Variants in BMAL1 observed in about 807,000 individuals in gnomAD.
BMAL1 encodes basic helix-loop-helix ARNT-like protein 1.
the BMAL1 span, among the ~76,000 whole-genome samples, chr11:13,292,339 T>G: frequency 6.6e-6 from 1 of 151,272 alleles, no homozygotes; most frequent in Admixed American, 6.6e-5. Context: ...GGTCAGGAGA[T>G]CGAGACCATC....
the BMAL1 span, among the ~76,000 whole-genome samples, chr11:13,299,256 A>G: frequency 3.3e-4 from 50 of 152,312 alleles, no homozygotes; most frequent in Admixed American, 2.0e-3. Context: ...TGTTTCACAT[A>G]TAAGAGTTTG....
the BMAL1 span, among the ~76,000 whole-genome samples, chr11:13,288,502 G>T: frequency 7.4e-5 from 11 of 149,574 alleles, no homozygotes; most frequent in African/African-American, 2.7e-4. Context: ...GCTCTATTTA[G>T]CCCACTCTTT....
At chr11:13,353,426 C>G in the BMAL1 span, 2 of 152,118 alleles carry the variant, frequency 1.3e-5, no homozygotes, top group African/African-American at 4.8e-5. Context: ...TGCTAGGGAC[C>G]CCCAAACAAG....
chr11:13,368,628 G>A, the BMAL1 span, among the ~76,000 whole-genome samples: 1 of 152,174 alleles, frequency 6.6e-6, no homozygotes, highest in Non-Finnish European at 1.5e-5. Context: ...TTGCTCGTGT[G>A]ATGGCCATGG....
the BMAL1 span, among the ~76,000 whole-genome samples, chr11:13,284,196 G>GTATA: frequency 7.6e-4 from 23 of 30,256 alleles, no homozygotes; most frequent in South Asian, 6.2e-3. Flanking sequence ...ATATATATGT[G>GTATA]TGTATATATA....
At chr11:13,282,443 CTTGGCCTGGT>C in the BMAL1 span, among the ~76,000 whole-genome samples, 1 of 152,156 alleles carries the variant, frequency 6.6e-6, no homozygotes, top group Non-Finnish European at 1.5e-5. Context: ...GCCGGGGTGC[CTTGGCCTGGT>C]TTGTAGTGGT....
the BMAL1 span, among the ~76,000 whole-genome samples, chr11:13,382,560 C>A: frequency 1.3e-5 from 2 of 149,978 alleles, no homozygotes; most frequent in Non-Finnish European, 2.9e-5. Flanking sequence ...CTTAGCTGTT[C>A]TTCTGTTATA....
At chr11:13,319,325 G>C in the BMAL1 span, among the ~76,000 whole-genome samples, 1 of 152,190 alleles carries the variant, frequency 6.6e-6, no homozygotes, top group Non-Finnish European at 1.5e-5. Flanking sequence ...GCACACGTGT[G>C]AACTTTTGCC....
the BMAL1 span, chr11:13,369,564 T>A: frequency 1.2e-6 from 2 of 1,606,340 alleles, no homozygotes; most frequent in Non-Finnish European, 1.7e-6. Flanking sequence ...ACACTCCCCC[T>A]CCTGACAGAC....
chr11:13,307,021 T>C, the BMAL1 span, among the ~76,000 whole-genome samples: 1 of 152,102 alleles, frequency 6.6e-6, no homozygotes, highest in East Asian at 1.9e-4. Context: ...TTGGCCCAGG[T>C]TGGTGATGTG....
At chr11:13,292,557 A>AT in the BMAL1 span, among the ~76,000 whole-genome samples, 2 of 152,108 alleles carry the variant, frequency 1.3e-5, no homozygotes, top group African/African-American at 4.8e-5. Context: ...AAAAAAAAAA[A>AT]AATAAAATAA....
chr11:13,332,893 A>G, the BMAL1 span, among the ~76,000 whole-genome samples: 1 of 151,508 alleles, frequency 6.6e-6, no homozygotes, highest in Admixed American at 6.6e-5. Flanking sequence ...GTCATAGCCC[A>G]TGGAGTTGGC....
chr11:13,386,749 C>A, the BMAL1 span: 11 of 1,613,750 alleles, frequency 6.8e-6, no homozygotes, highest in Non-Finnish European at 9.3e-6. Context: ...TTGCCATGGC[C>A]GCTGTAAACA....
chr11:13,371,691 C>G, the BMAL1 span, among the ~76,000 whole-genome samples: 1 of 152,208 alleles, frequency 6.6e-6, no homozygotes, highest in Non-Finnish European at 1.5e-5. Context: ...CCCTTTTAAT[C>G]TTCCTCCAAC....
chr11:13,380,243 C>T, the BMAL1 span: 1 of 152,094 alleles, frequency 6.6e-6, no homozygotes, highest in Non-Finnish European at 1.5e-5. Flanking sequence ...TGTAAACTGC[C>T]GTTAAGAAGC....
chr11:13,376,933 A>C, the BMAL1 span, among the ~76,000 whole-genome samples: 1 of 152,126 alleles, frequency 6.6e-6, no homozygotes, highest in African/African-American at 2.4e-5. Flanking sequence ...CTAGGAGCTC[A>C]CTGCTGCACT....
At chr11:13,385,603 C>A in the BMAL1 span, 5 of 923,118 alleles carry the variant, frequency 5.4e-6, no homozygotes, top group Non-Finnish European at 1.7e-6. Context: ...TGAAGCTTCT[C>A]CCCACCCCAC....
At chr11:13,278,359 A>G in the BMAL1 span, among the ~76,000 whole-genome samples, 17 of 152,270 alleles carry the variant, frequency 1.1e-4, no homozygotes, top group African/African-American at 4.1e-4. Context: ...GAGGACTCCT[A>G]GATGTGTCCC....
chr11:13,284,138 A>ATG, the BMAL1 span, among the ~76,000 whole-genome samples: 5 of 54,374 alleles, frequency 9.2e-5, no homozygotes, highest in African/African-American at 6.2e-5. Flanking sequence ...GTATATATAT[A>ATG]TATATGTGTA....
Sources: gnomAD v4.1 joint callset for allele counts (sites outside exome capture counted in the v4.1 genomes callset) on GRCh38, gnomAD v4.1.1 for gene constraint, MANE v1.5 for transcripts, NCBI Gene and HGNC (gene_info 2026-07-23, HGNC 2026-07-21) for gene names.